DUOX1: variants seen among roughly 807,000 people sequenced by gnomAD.
DUOX1 encodes the protein NADPH thyroid oxidase 1.
Under a neutral mutation model 181.8 loss-of-function variants are expected in DUOX1, and 134 were observed. The ratio of observed to expected loss-of-function variants is 0.74; its 90% confidence interval spans 0.64 to 0.85. DUOX1 has a LOEUF of 0.85. DUOX1 is among the 40% of genes least tolerant of loss of function. The pLI is 0.00. For missense variants in DUOX1, 1,814 were observed against 2,064.4 expected (o/e 0.88, Z 2.35); for synonymous variants, 798 against 832.5 (o/e 0.96, Z 0.71).
At chr15:45,149,948 C>T (rs1595587911) in intron 21 of DUOX1, among the ~76,000 whole-genome samples, 2 of 152,356 alleles carry the variant, frequency 1.3e-5, no homozygotes, top group East Asian at 3.9e-4. Context: ...GGCATTAATA[C>T]TTTGTTTTAA....
In DUOX1 at chr15:45,147,559, G is replaced by A. The variant is rs753752597; in HGVS notation, c.2449G>A (p.Asp817Asn). The A allele has an allele frequency of 6.2e-7, 1 of 1,614,134 alleles. No homozygotes were observed. Among genetic ancestry groups the A allele is most frequent in the South Asian group, 1.1e-5 (1 of 91,048 alleles). ...FAESLGLKPQ[D>N]MFVESMFSLA... is the part of the protein sequence containing the mutation. ...CGAGTCCCTGGGCCTCAAGCCCCAG[G>A]ACATGTTTGTGGAGTCCATGTTCTC... is the stretch of plus-strand genomic sequence containing the variant. Residue 817 changes from aspartate (D) to asparagine (N), a missense_variant, in exon 19 of 34, where the codon GAC becomes AAC. Around this residue, in one of 5 missense-constraint regions of DUOX1, gnomAD observed 1,064 missense variants for 1,152.9 expected, o/e 0.92. Coordinates refer to ENST00000389037, the MANE Select transcript of DUOX1 (RefSeq NM_175940.3).
At chr15:45,157,877 A>T (rs957738526) in intron 28 of DUOX1, among the ~76,000 whole-genome samples, 2 of 152,012 alleles carry the variant, frequency 1.3e-5, no homozygotes, top group African/African-American at 2.4e-5. Flanking sequence ...ATGCTAGGCT[A>T]TCCTCACCAG....
At chr15:45,140,152 A>G in intron 12 of DUOX1, 2 of 808,510 alleles carry the variant, frequency 2.5e-6, no homozygotes, top group South Asian at 2.6e-5. Flanking sequence ...GCTGCTAGCC[A>G]AGAGACCAGA....
chr15:45,141,741 G>C (rs1165488959), intron 14 of DUOX1, among the ~76,000 whole-genome samples: 1 of 128,128 alleles, frequency 7.8e-6, no homozygotes, highest in African/African-American at 3.0e-5. Context: ...CCCTACAGCA[G>C]TGAGGGAAGC....
At chr15:45,147,697 G>A (rs778041881) in intron 19 of DUOX1, 39 bp downstream of exon 19, 10 of 1,611,532 alleles carry the variant, frequency 6.2e-6, no homozygotes, top group Middle Eastern at 1.6e-4. Context: ...CTGGACAGGG[G>A]CTGATCTGTT....
chr15:45,162,412 C>T (rs774742246), intron 31 of DUOX1, 35 bp downstream of exon 31: 1 of 1,599,334 alleles, frequency 6.3e-7, no homozygotes, highest in South Asian at 1.1e-5. Context: ...CAACCCATGG[C>T]CCCTTCTTCC....
intron 22 of DUOX1, 107 bp from the exon 23 acceptor site, chr15:45,151,016 C>G (rs909125162): frequency 6.7e-7 from 1 of 1,494,012 alleles, no homozygotes; most frequent in East Asian, 2.3e-5. Flanking sequence ...CCCTTGCTGA[C>G]AGCTCTGATC....
intron 1 of DUOX1, among the ~76,000 whole-genome samples, chr15:45,130,496 C>A (rs1896081165): frequency 6.6e-6 from 1 of 152,182 alleles, no homozygotes; most frequent in African/African-American, 2.4e-5. Flanking sequence ...CCAGGGTCAC[C>A]ACTCTAGGGC....
At chr15:45,132,114 C>A in intron 2 of DUOX1, 90 bp downstream of exon 2, 1 of 1,183,308 alleles carries the variant, frequency 8.5e-7, no homozygotes, top group Non-Finnish European at 1.2e-6. Flanking sequence ...ATTTGATATT[C>A]ATCTGTATCT....
intron 22 of DUOX1, 145 bp downstream of exon 22, chr15:45,150,846 C>A: frequency 2.3e-6 from 2 of 851,392 alleles, no homozygotes; most frequent in Non-Finnish European, 3.7e-6. Context: ...TAGGCAGACA[C>A]AGCCCTGTGC....
intron 20 of DUOX1, 63 bp downstream of exon 20, chr15:45,148,060 G>A: frequency 6.7e-7 from 1 of 1,488,886 alleles, no homozygotes; most frequent in South Asian, 1.1e-5. Flanking sequence ...AAATAGATGG[G>A]ACCTGAAGGA....
chr15:45,157,494 G>A (rs1896993181), intron 28 of DUOX1, among the ~76,000 whole-genome samples: 2 of 152,058 alleles, frequency 1.3e-5, no homozygotes, highest in African/African-American at 4.8e-5. Flanking sequence ...AGGATTCCAA[G>A]CCACCCTTCC....
intron 1 of DUOX1, 63 bp from the exon 2 acceptor site, chr15:45,131,855 G>A (rs1896163329): frequency 1.7e-6 from 2 of 1,190,072 alleles, no homozygotes; most frequent in African/African-American, 3.0e-5. Flanking sequence ...ACAGAGGCCT[G>A]CAGAGTCTTT....
chr15:45,153,527 T>TAATG (rs1896881996), intron 26 of DUOX1, 48 bp downstream of exon 26: 25 of 908,662 alleles, frequency 2.8e-5, no homozygotes, highest in Middle Eastern at 3.0e-4. Context: ...TGTGTGTGTG[T>TAATG]GTGTGTGTGT....
rs1897114960 is a variant in DUOX1, at chr15:45,161,977, G to C, written c.4089+7G>C. 1.2e-6 allele frequency: 2 copies of C among 1,604,876 alleles called. No homozygotes were observed. Among genetic ancestry groups the C allele is most frequent in the African/African-American group, 2.7e-5 (2 of 74,606 alleles). On this transcript the variant is annotated splice_region_variant and intron_variant, in intron 30 of 33. Transcript: ENST00000389037. ...ATGTGCCAGATACCCAAAGGTACCAGACCCTGGCCAGACATGCCACATGCG... is the reference window on the plus strand; with the variant it reads ...ATGTGCCAGATACCCAAAGGTACCACACCCTGGCCAGACATGCCACATGCG...
chr15:45,138,114 G>A (rs1187294151), intron 10 of DUOX1, 100 bp downstream of exon 10: 1 of 879,046 alleles, frequency 1.1e-6, no homozygotes, highest in Non-Finnish European at 1.6e-6. Flanking sequence ...GTGAGTGCAT[G>A]GTGAAAGTGG....
chr15:45,165,005 T>C lies in DUOX1; in HGVS notation c.*104T>C. 7.5e-7 allele frequency: 1 copy of C among 1,331,352 alleles called. No homozygotes were observed. The highest frequency in any genetic ancestry group is 1.1e-6 in the Non-Finnish European group (1 of 946,862). 82.5% of individuals were successfully genotyped at this position (1,331,352 alleles called of 1,614,324 possible). On this transcript the variant is annotated 3_prime_UTR_variant, in exon 34 of 34. Coordinates refer to ENST00000389037, the MANE Select transcript of DUOX1 (RefSeq NM_175940.3). ...CTGGCTGCCTCAGCCTTCTCTGATTTCCCACCTCCCAACCTTGTTCCAGGT... is the reference window on the plus strand; with the variant it reads ...CTGGCTGCCTCAGCCTTCTCTGATTCCCCACCTCCCAACCTTGTTCCAGGT...
intron 12 of DUOX1, chr15:45,140,022 C>G: frequency 2.2e-6 from 3 of 1,335,808 alleles, no homozygotes; most frequent in African/African-American, 1.5e-5. Context: ...CAAGGTAGAG[C>G]CTGAGGCGGA....
chr15:45,147,903 G>A lies in DUOX1; in HGVS notation c.2549-1G>A. ...TCCTTATGGAGTCCTCCCTCTCCCA[G>A]GCTCTCCTGAGGAAAAGTCTCGCCT... On this transcript the variant is annotated splice_acceptor_variant, in intron 19 of 33. Transcript: ENST00000389037. LOFTEE classifies it high-confidence loss of function. 2 of 1,613,820 alleles carry A rather than the reference G, an allele frequency of 1.2e-6. No individual in the cohort carries two copies. Among genetic ancestry groups the A allele is most frequent in the Non-Finnish European group, 8.5e-7 (1 of 1,179,674 alleles).
Sources: gnomAD v4.1 joint callset for allele counts (sites outside exome capture counted in the v4.1 genomes callset) on GRCh38, gnomAD v4.1.1 for gene constraint, gnomAD v4.1.1 regional missense constraint, MANE v1.5 for transcripts, NCBI Gene and HGNC (gene_info 2026-07-23, HGNC 2026-07-21) for gene names.